The following CENPP variants were observed in gnomAD, a reference collection of about 807,000 sequenced individuals.
CENPP encodes the protein centromere protein P.
Under a neutral mutation model 35.6 loss-of-function variants are expected in CENPP, and 24 were observed. That is an observed-to-expected ratio of 0.67 (90% CI 0.49 to 0.95). The LOEUF (loss-of-function observed/expected upper bound fraction) is 0.95. CENPP is among the 40% of genes least tolerant of loss of function. The probability of loss-of-function intolerance (pLI) is 0.00; values close to 1 mark genes in which losing one functional copy is unlikely to be tolerated. For synonymous variants in CENPP, 120 were observed against 125.5 expected (o/e 0.96, Z 0.29); for missense variants, 332 against 345.3 (o/e 0.96, Z 0.31).
intron 5 of CENPP, among the ~76,000 whole-genome samples, chr9:92,428,254 C>G (rs1844018543): frequency 6.6e-6 from 1 of 152,152 alleles, no homozygotes; most frequent in Non-Finnish European, 1.5e-5. Flanking sequence ...CAACCCTGAC[C>G]ACTCTCTTGT....
chr9:92,597,501 AC>A (rs1850811213), intron 5 of CENPP, among the ~76,000 whole-genome samples: 2 of 152,164 alleles, frequency 1.3e-5, no homozygotes, highest in African/African-American at 4.8e-5. Flanking sequence ...GAGAGTTTAA[AC>A]CTTAATGATA....
intron 5 of CENPP, among the ~76,000 whole-genome samples, chr9:92,573,140 C>A (rs1274350734): frequency 6.6e-6 from 1 of 152,178 alleles, no homozygotes; most frequent in Non-Finnish European, 1.5e-5. Flanking sequence ...CCCTTGCTGG[C>A]GAGGAGCTGC....
intron 5 of CENPP, among the ~76,000 whole-genome samples, chr9:92,443,280 T>C (rs570860464): frequency 1.1e-4 from 16 of 152,290 alleles, no homozygotes; most frequent in African/African-American, 3.9e-4. Flanking sequence ...AATATAAAAA[T>C]ATCAATTTTT....
In CENPP at chr9:92,331,211, C is replaced by T. The variant is rs150676394; in HGVS notation, c.108-959C>T. Among the ~76,000 whole-genome samples the T allele has an allele frequency of 5.9e-3, 894 of 152,154 alleles. 7 individuals carry two copies. The highest frequency in any genetic ancestry group is 0.01 in the Non-Finnish European group (682 of 68,004). ...TTTTTATTTTTTTGAGAGGGAGTCTCGCTCTGTCGCCCAGGTTGGAGTGCA... is the reference window on the plus strand; with the variant it reads ...TTTTTATTTTTTTGAGAGGGAGTCTTGCTCTGTCGCCCAGGTTGGAGTGCA... On this transcript the variant is annotated intron_variant, in intron 1 of 7. Transcript: ENST00000375587.
chr9:92,385,910 G>A lies in CENPP; in HGVS notation c.564+6051G>A, dbSNP rs1030315051. 2.6e-5 allele frequency: 23 copies of A among 885,674 alleles called. No individual in the cohort carries two copies. In the Admixed American group the frequency reaches 5.5e-4, roughly 21 times the overall value. The allele number at this position is 885,674 out of a possible 1,614,324, so 54.9% of individuals were successfully genotyped here. A position where few individuals can be genotyped will look rare whatever the true frequency, so the allele number is the denominator to read the frequency against. On this transcript the variant is annotated intron_variant, in intron 5 of 7. Transcript: ENST00000375587. Reference sequence around the variant, plus strand: ...GTGCCCCCTCACTTCAAATCCTTGTGTCAAATTAATTAGGAAATACTCAAA... The same window carrying A: ...GTGCCCCCTCACTTCAAATCCTTGTATCAAATTAATTAGGAAATACTCAAA...
At position 92,326,101 on chromosome 9, in the gene CENPP, G is replaced by A. The variant is rs993470613; in HGVS notation, c.103G>A (p.Val35Ile). 1.2e-5 allele frequency: 19 copies of A among 1,540,768 alleles called. No individual in the cohort carries two copies. In the African/African-American group the frequency reaches 2.1e-4, roughly 17 times the overall value. Residue 35 changes from valine (V) to isoleucine (I), a missense_variant, in exon 1 of 8, where the codon GTC becomes ATC. Transcript: ENST00000375587. ...PPAPWEEKSR[V>I]QKSFQAIHQF... ...GGCGCCCTGGGAAGAGAAGTCCCGA[G>A]TCCAGTACGTGACCACCCCAAGTCC...
At chr9:92,567,855 A>G (rs947914589) in intron 5 of CENPP, among the ~76,000 whole-genome samples, 2 of 152,178 alleles carry the variant, frequency 1.3e-5, no homozygotes, top group South Asian at 2.1e-4. Flanking sequence ...GAACTTGTAC[A>G]AAAGGAAACA....
At chr9:92,392,224 A>G (rs1309798123) in intron 5 of CENPP, among the ~76,000 whole-genome samples, 2 of 152,120 alleles carry the variant, frequency 1.3e-5, no homozygotes, top group East Asian at 3.9e-4. Context: ...GTATTTCCAT[A>G]TTAGAATCAT....
chr9:92,389,317 T>A (rs1455697939), intron 5 of CENPP, among the ~76,000 whole-genome samples: 2 of 152,210 alleles, frequency 1.3e-5, no homozygotes, highest in South Asian at 4.1e-4. Flanking sequence ...TTGCTTGAAT[T>A]GTTAAGAAAT....
chr9:92,481,870 T>C (rs892620010), intron 5 of CENPP, among the ~76,000 whole-genome samples: 2 of 152,154 alleles, frequency 1.3e-5, no homozygotes, highest in African/African-American at 4.8e-5. Flanking sequence ...TTAGAAAATA[T>C]TTTAAATATT....
intron 5 of CENPP, chr9:92,512,177 TACAC>T: frequency 1.1e-4 from 134 of 1,247,728 alleles, no homozygotes; most frequent in Non-Finnish European, 1.5e-4. Flanking sequence ...TACATACATG[TACAC>T]ACATGTATGG....
chr9:92,534,897 C>T (rs1048346693), intron 5 of CENPP, among the ~76,000 whole-genome samples: 1 of 152,150 alleles, frequency 6.6e-6, no homozygotes, highest in African/African-American at 2.4e-5. Flanking sequence ...TGTGAGGAGT[C>T]AGGGCCTAGA....
chr9:92,358,000 C>G (rs1020424707), intron 4 of CENPP, among the ~76,000 whole-genome samples: 2 of 152,084 alleles, frequency 1.3e-5, no homozygotes, highest in Non-Finnish European at 2.9e-5. Flanking sequence ...AAGATATTCT[C>G]TCTTTGTCTT....
At chr9:92,536,298 C>T (rs1237751850) in intron 5 of CENPP, among the ~76,000 whole-genome samples, 1 of 152,116 alleles carries the variant, frequency 6.6e-6, no homozygotes, top group African/African-American at 2.4e-5. Context: ...CTGTGGTTTT[C>T]ATAGACTATT....
At chr9:92,553,486 T>C (rs1216565219) in intron 5 of CENPP, among the ~76,000 whole-genome samples, 1 of 152,170 alleles carries the variant, frequency 6.6e-6, no homozygotes, top group African/African-American at 2.4e-5. Context: ...AATTTGTAGA[T>C]TGCTTTTGGC....
In CENPP at chr9:92,617,057, A is replaced by T. The variant is rs1057324919; in HGVS notation, c.*3908A>T. ...CCCCAGAATCCTGTTTGTAGAAAAA[A>T]CAAATCCCTGACTAAGCTGCTGGGG... On this transcript the variant is annotated 3_prime_UTR_variant, in exon 8 of 8. Transcript: ENST00000375587. 6.6e-6 allele frequency: 1 copy of T among 152,274 alleles called. No individual in the cohort carries two copies. Among genetic ancestry groups the T allele is most frequent in the Non-Finnish European group, 1.5e-5 (1 of 68,094 alleles). The allele number at this position is 152,274 out of a possible 1,614,324, so 9.4% of individuals were successfully genotyped here. A position where few individuals can be genotyped will look rare whatever the true frequency, so the allele number is the denominator to read the frequency against.
At chr9:92,449,747 G>A (rs1425914178) in intron 5 of CENPP, among the ~76,000 whole-genome samples, 1 of 151,960 alleles carries the variant, frequency 6.6e-6, no homozygotes, top group Non-Finnish European at 1.5e-5. Flanking sequence ...AAAGTGTGTG[G>A]CACCTCCCCT....
chr9:92,544,645 A>T (rs1210521748), intron 5 of CENPP, among the ~76,000 whole-genome samples: 1 of 151,910 alleles, frequency 6.6e-6, no homozygotes, highest in Non-Finnish European at 1.5e-5. Flanking sequence ...GGCAAGACTG[A>T]TGCATGAAAA....
At chr9:92,382,596 G>C (rs1842279657) in intron 5 of CENPP, among the ~76,000 whole-genome samples, 1 of 151,966 alleles carries the variant, frequency 6.6e-6, no homozygotes, top group Non-Finnish European at 1.5e-5. Flanking sequence ...CAAATTCAAT[G>C]TCATAAAGGT....
Sources: gnomAD v4.1 joint callset for allele counts (sites outside exome capture counted in the v4.1 genomes callset) on GRCh38, gnomAD v4.1.1 for gene constraint, MANE v1.5 for transcripts, NCBI Gene and HGNC (gene_info 2026-07-23, HGNC 2026-07-21) for gene names.